The following SLC37A3 variants were observed in gnomAD, a reference collection of about 807,000 sequenced individuals.
SLC37A3 encodes sugar phosphate exchanger 3.
A neutral mutation model predicts 67.1 loss-of-function variants in SLC37A3; 51 were observed. The ratio of observed to expected loss-of-function variants is 0.76; its 90% CI spans 0.61 to 0.96. The LOEUF (loss-of-function observed/expected upper bound fraction) is 0.96. Among genes scored for constraint, SLC37A3 ranks in the 40% least tolerant of loss-of-function variants. The pLI is 0.00. For missense variants in SLC37A3, 508 were observed against 603.0 expected, an observed-to-expected ratio of 0.84 and a Z score of 1.65; for synonymous variants, 214 against 231.4, an observed-to-expected ratio of 0.92 and a Z score of 0.68.
intron 7 of SLC37A3, among the ~76,000 whole-genome samples, chr7:140,354,619 T>A (rs1005727059): frequency 2.0e-5 from 3 of 152,146 alleles, no homozygotes; most frequent in Non-Finnish European, 1.5e-5. Flanking sequence ...TTACAAGCCA[T>A]TCCTACATGC....
At chr7:140,363,058 G>C in intron 5 of SLC37A3, among the ~76,000 whole-genome samples, 1 of 92,992 alleles carries the variant, frequency 1.1e-5, no homozygotes, top group African/African-American at 3.9e-5. Context: ...CGCCCCGTCA[G>C]GGAGGGTGGT....
At position 140,358,759 on chromosome 7, in the gene SLC37A3, T is replaced by C. The variant is rs538006870; in HGVS notation, c.402A>G (p.Glu134=). Residue 134 remains glutamate, a synonymous_variant, in exon 6 of 15, where the codon GAA becomes GAG. Coordinates refer to ENST00000326232, the MANE Select transcript of SLC37A3 (RefSeq NM_207113.3). ...GCCATTTGTTGTAGAAACGCAGCCATTCTGTGAGCGCACCAAAGACAAACA... is the reference window on the plus strand; with the variant it reads ...GCCATTTGTTGTAGAAACGCAGCCACTCTGTGAGCGCACCAAAGACAAACA... The part of the protein sequence containing the change: ...LVVFVFGALT[E]WLRFYNKWLY... 6.2e-7 allele frequency: 1 copy of C among 1,614,060 alleles called. No homozygotes were observed. The highest frequency in any genetic ancestry group is 1.1e-5 in the South Asian group (1 of 91,068).
intron 3 of SLC37A3, among the ~76,000 whole-genome samples, chr7:140,376,090 A>ATT (rs1798021916): frequency 6.6e-6 from 1 of 152,028 alleles, no homozygotes; most frequent in South Asian, 2.1e-4. Context: ...AGAAGTTACC[A>ATT]AAAACTCCCT....
chr7:140,372,393 C>T (rs772333880), intron 3 of SLC37A3, among the ~76,000 whole-genome samples: 7 of 152,182 alleles, frequency 4.6e-5, no homozygotes, highest in Non-Finnish European at 8.8e-5. Context: ...CTTTGCACCA[C>T]ATTAAAATGT....
intron 5 of SLC37A3, among the ~76,000 whole-genome samples, chr7:140,359,444 G>A (rs1395775963): frequency 6.6e-6 from 1 of 152,192 alleles, no homozygotes; most frequent in Non-Finnish European, 1.5e-5. Context: ...GAGGGCTGCT[G>A]TGAGGACAGA....
At chr7:140,377,399 G>T (rs1221824882) in intron 3 of SLC37A3, among the ~76,000 whole-genome samples, 2 of 152,012 alleles carry the variant, frequency 1.3e-5, no homozygotes, top group African/African-American at 4.8e-5. Context: ...TTCTCCTGGA[G>T]ATAATTTTAG....
chr7:140,337,098 C>CAAA (rs1172096190), intron 14 of SLC37A3, among the ~76,000 whole-genome samples, 186 bp downstream of exon 14: 246 of 68,064 alleles, frequency 3.6e-3, no homozygotes, highest in East Asian at 5.3e-3. Context: ...GACTCTGCCT[C>CAAA]AAAAAAAAAA....
chr7:140,342,026 G>T (rs1433009197), intron 13 of SLC37A3, among the ~76,000 whole-genome samples: 1 of 152,136 alleles, frequency 6.6e-6, no homozygotes, highest in Non-Finnish European at 1.5e-5. Context: ...AAGCATATCA[G>T]TCATTCATTC....
intron 3 of SLC37A3, among the ~76,000 whole-genome samples, chr7:140,377,895 A>G (rs779915618): frequency 1.3e-5 from 2 of 152,076 alleles, no homozygotes; most frequent in African/African-American, 4.8e-5. Flanking sequence ...AAATTTTTTT[A>G]TTTAAAATTA....
chr7:140,374,843 G>A (rs1233486800), intron 3 of SLC37A3, among the ~76,000 whole-genome samples: 1 of 152,042 alleles, frequency 6.6e-6, no homozygotes, highest in Non-Finnish European at 1.5e-5. Flanking sequence ...GAGCAACAGA[G>A]CAAGACCCTG....
intron 5 of SLC37A3, among the ~76,000 whole-genome samples, chr7:140,362,618 C>A (rs1368599294): frequency 1.3e-5 from 1 of 77,712 alleles, no homozygotes; most frequent in African/African-American, 4.6e-5. Flanking sequence ...CCGGCTGCCC[C>A]TACTGGGAAG....
intron 5 of SLC37A3, among the ~76,000 whole-genome samples, chr7:140,362,884 C>T (rs1428896617): frequency 2.8e-5 from 2 of 70,220 alleles, no homozygotes; most frequent in African/African-American, 1.0e-4. Context: ...GGCCAGCCGC[C>T]CCGTCCGGGA....
chr7:140,344,254 G>A lies in SLC37A3; in HGVS notation c.1175-691C>T, dbSNP rs577530144. 7.0e-4 allele frequency among the ~76,000 whole-genome samples: 102 copies of A among 145,868 alleles called. 1 individual carries two copies. The highest frequency in any genetic ancestry group is 4.9e-4 in the Non-Finnish European group (32 of 65,880). On this transcript the variant is annotated intron_variant, in intron 12 of 14. Coordinates refer to ENST00000326232, the MANE Select transcript of SLC37A3 (RefSeq NM_207113.3). Reference sequence around the variant, plus strand: ...ACCAGCCTGGGCAACATGGTGAAACGCTGTCTCTACTAAAAATACAAAAAT... The same window carrying A: ...ACCAGCCTGGGCAACATGGTGAAACACTGTCTCTACTAAAAATACAAAAAT...
chr7:140,348,437 CTTGTTT>C, intron 10 of SLC37A3, 183 bp downstream of exon 10: 1 of 621,302 alleles, frequency 1.6e-6, no homozygotes, highest in Non-Finnish European at 2.5e-6. Flanking sequence ...CTATGGACCT[CTTGTTT>C]TTTCTTTTCT....
At chr7:140,343,005 G>A (rs1796417229) in intron 13 of SLC37A3, among the ~76,000 whole-genome samples, 1 of 152,206 alleles carries the variant, frequency 6.6e-6, no homozygotes, top group African/African-American at 2.4e-5. Flanking sequence ...CGTGTATGCA[G>A]TAGAGTGTCT....
chr7:140,386,682 TAAAACCAAATTTC>T (rs1382322532), intron 1 of SLC37A3: 4 of 152,186 alleles, frequency 2.6e-5, no homozygotes, highest in South Asian at 2.1e-4. Flanking sequence ...TTATAATTAA[TAAAACCAAATTTC>T]AAAACCAAAT....
chr7:140,368,093 C>T (rs948042497), intron 4 of SLC37A3, among the ~76,000 whole-genome samples: 15 of 151,938 alleles, frequency 9.9e-5, no homozygotes, highest in Non-Finnish European at 1.5e-4. Flanking sequence ...GGATTACAGG[C>T]GTGGGCCACC....
At chr7:140,348,428 T>C in intron 10 of SLC37A3, 198 bp downstream of exon 10, 1 of 567,602 alleles carries the variant, frequency 1.8e-6, no homozygotes. Flanking sequence ...TCTTCCTTTC[T>C]ATGGACCTCT....
At position 140,372,147 on chromosome 7, in the gene SLC37A3, G is replaced by A. The variant is rs548945294; in HGVS notation, c.199-2465C>T. ...TTACAGGTGTGAGCCACTGCGCCCA[G>A]CCTAGTTTACAGAACTTTCAAAAAT... is the stretch of plus-strand genomic sequence containing the variant. On this transcript the variant is annotated intron_variant, in intron 3 of 14. Transcript: ENST00000326232. Among the ~76,000 whole-genome samples the A allele has an allele frequency of 5.3e-5, 8 of 152,308 alleles. No individual in the cohort carries two copies. The East Asian group carries it at 1.5e-3, about 29-fold the overall frequency.
Sources: allele counts gnomAD v4.1 joint callset (sites outside exome capture counted in the v4.1 genomes callset), GRCh38; gene constraint gnomAD v4.1.1; transcripts MANE v1.5; gene names NCBI Gene and HGNC (gene_info 2026-07-23, HGNC 2026-07-21).